Variants in TPPP observed in about 807,000 individuals in gnomAD.
TPPP encodes the protein tubulin polymerization-promoting protein.
TPPP carries 6 observed loss-of-function variants against 15.5 expected under a neutral mutation model. That is an observed-to-expected ratio of 0.39 (90% confidence interval 0.21 to 0.77). The LOEUF is 0.77. TPPP is among the 30% of genes least tolerant of loss of function. TPPP has a pLI of 0.42. For missense variants in TPPP, 269 were observed against 307.2 expected (o/e 0.88, Z 0.93); for synonymous variants, 146 against 133.9 (o/e 1.09, Z -0.63).
In TPPP at chr5:687,100, G is replaced by C. The variant is rs576549869; in HGVS notation, c.-5+6178C>G. Among the ~76,000 whole-genome samples the C allele has an allele frequency of 3.9e-5, 5 of 127,452 alleles. 2 individuals carry two copies. In the Admixed American group the frequency reaches 4.0e-4, roughly 10 times the overall value. The allele number at this position is 127,452 out of a possible 152,430, so 83.6% of individuals were successfully genotyped here. On this transcript the variant is annotated intron_variant, in intron 1 of 3. Transcript: ENST00000360578. ...GCCATGAGGCCGGGGCTGCAGTGAC[G>C]CAGCCACACGCCCAGGACAACTGGA...
upstream of TPPP, chr5:693,444 G>A (rs1158137983): frequency 6.9e-6 from 1 of 145,704 alleles, no homozygotes; most frequent in African/African-American, 2.5e-5. Flanking sequence ...CCAGCGTCCG[G>A]CGCCCGCCCA....
Position 677,842 on chromosome 5 carries a change from G to C in TPPP, c.219C>G (p.Gly73=). Residue 73 remains glycine, a synonymous_variant, in exon 2 of 4, where the codon GGC becomes GGG. Transcript: ENST00000360578. The stretch of plus-strand genomic sequence containing the variant: ...CCTTGCACAGCTTCGACCAGTTCTT[G>C]CCGTGCATCTCCCTCCCGGTGGCCC... ...DARATGREMH[G]KNWSKLCKDC... The C allele has an allele frequency of 6.2e-7, 1 of 1,612,494 alleles. No individual in the cohort carries two copies. Among genetic ancestry groups the C allele is most frequent in the East Asian group, 2.2e-5 (1 of 44,872 alleles).
At chr5:672,996 C>A (rs1740276145) in intron 2 of TPPP, among the ~76,000 whole-genome samples, 2 of 152,188 alleles carry the variant, frequency 1.3e-5, no homozygotes, top group South Asian at 4.1e-4. Context: ...GCAACCTGCC[C>A]TGAAAACAGA....
At chr5:670,382 A>C (rs1740175603) in intron 2 of TPPP, among the ~76,000 whole-genome samples, 1 of 152,164 alleles carries the variant, frequency 6.6e-6, no homozygotes, top group South Asian at 2.1e-4. Flanking sequence ...AGAGGCTGCC[A>C]CAGGTGGGAA....
rs1739831841 is a variant in TPPP, at chr5:664,966, G to T, written c.*136C>A. On this transcript the variant is annotated 3_prime_UTR_variant, in exon 4 of 4. Transcript: ENST00000360578. ...GAGGAGGGGCAGGAGGGAGGCCTGG[G>T]CCTGGCCGCCCCCCAGCCCCCTCTG... 1 of 1,017,078 alleles carries T rather than the reference G, an allele frequency of 9.8e-7. No homozygotes were observed. Among genetic ancestry groups the T allele is most frequent in the Non-Finnish European group, 1.4e-6 (1 of 703,202 alleles). The allele number at this position is 1,017,078 out of a possible 1,614,324, so 63.0% of individuals were successfully genotyped here. A position where few individuals can be genotyped will look rare whatever the true frequency, so the allele number is the denominator to read the frequency against.
rs1209722264 is a variant in TPPP at position 668,988 on chromosome 5, C to T, written c.312-2865G>A. Among the ~76,000 whole-genome samples the T allele has an allele frequency of 3.3e-5, 5 of 152,350 alleles. No individual in the cohort carries two copies. In the East Asian group the frequency reaches 9.7e-4, roughly 29 times the overall value. On this transcript the variant is annotated intron_variant, in intron 2 of 3. Coordinates refer to ENST00000360578, the MANE Select transcript of TPPP (RefSeq NM_007030.3). Reference sequence around the variant, plus strand: ...AACAGCACCTGAGGGTTCCCATACACTTTACACGCGTGTCCTAAAGACACA... The same window carrying T: ...AACAGCACCTGAGGGTTCCCATACATTTTACACGCGTGTCCTAAAGACACA...
chr5:665,198 G>A lies in TPPP; in HGVS notation c.564C>T (p.Gly188=), dbSNP rs775094475. The change falls in exon 4 of 4, where the codon GGC becomes GGT. Residue 188 remains glycine, a synonymous_variant. Transcript: ENST00000360578. ...CCACCAGATCCACGCGGCCAGCCTT[G>A]CCCTTGCCCTTGCCAGAGGGGTCGA... ...ERFDPSGKGK[G]KAGRVDLVDE... is the part of the protein sequence containing the mutation. The A allele has an allele frequency of 6.8e-6, 11 of 1,611,228 alleles. No individual in the cohort carries two copies. The highest frequency in any genetic ancestry group is 9.3e-6 in the Non-Finnish European group (11 of 1,177,970).
chr5:668,446 G>GC (rs1740041539), intron 2 of TPPP, among the ~76,000 whole-genome samples: 1 of 109,702 alleles, frequency 9.1e-6, no homozygotes, highest in African/African-American at 3.8e-5. Flanking sequence ...TCAGGGAAGT[G>GC]CGGACAAGCA....
intron 2 of TPPP, among the ~76,000 whole-genome samples, chr5:670,212 C>G (rs2126880681): frequency 6.6e-6 from 1 of 152,276 alleles, no homozygotes; most frequent in Admixed American, 6.5e-5. Flanking sequence ...ACGTCACAGG[C>G]CCCGCTGGGC....
In TPPP at chr5:666,122, C is replaced by T; in HGVS notation, c.313G>A (p.Gly105Arg). 2.8e-6 allele frequency: 4 copies of T among 1,432,546 alleles called. No homozygotes were observed. Among genetic ancestry groups the T allele is most frequent in the South Asian group, 1.3e-5 (1 of 78,946 alleles). The allele number at this position is 1,432,546 out of a possible 1,614,324, so 88.7% of individuals were successfully genotyped here. Residue 105 changes from glycine (G) to arginine (R), a missense_variant and splice_region_variant, in exon 3 of 4, where the codon GGG becomes AGG. Physicochemically the swap from Gly to Arg is moderately radical, Grantham distance 125 (BLOSUM62 -2). Coordinates refer to ENST00000360578, the MANE Select transcript of TPPP (RefSeq NM_007030.3). ...AAGGTGATGGTCCGGCAAGACTTCC[C>T]TCTACAGGGGCACAGGCGACTTAGG... Reference protein sequence around the residue: ...DVDIVFSKIKGKSCRTITFEQ... With the variant: ...DVDIVFSKIKRKSCRTITFEQ...
chr5:662,824 A>G lies in TPPP; in HGVS notation c.*2278T>C, dbSNP rs554081670. The G allele has an allele frequency of 2.0e-5, 3 of 152,388 alleles. No individual in the cohort carries two copies. The highest frequency in any genetic ancestry group is 1.3e-4 in the Admixed American group (2 of 15,298). 9.4% of individuals were successfully genotyped at this position (152,388 alleles called of 1,614,324 possible). ...GGCCTTTTCAACACAAGGGCTTTGG[A>G]GTTGTGATGGGCTGTTATCGGGTGA... On this transcript the variant is annotated 3_prime_UTR_variant, in exon 4 of 4. Coordinates refer to ENST00000360578, the MANE Select transcript of TPPP (RefSeq NM_007030.3).
intron 2 of TPPP, 32 bp downstream of exon 2, chr5:677,718 G>A: frequency 6.6e-7 from 1 of 1,518,380 alleles, no homozygotes; most frequent in South Asian, 1.3e-5. Flanking sequence ...CCGTAAGTCA[G>A]GTCCCTCGGC....
chr5:665,430 C>G (rs985272312), intron 3 of TPPP, 134 bp from the exon 4 acceptor site: 2 of 806,732 alleles, frequency 2.5e-6, no homozygotes, highest in Non-Finnish European at 3.8e-6. Context: ...GGGATTTATG[C>G]CCCTTTTAAT....
intron 1 of TPPP, among the ~76,000 whole-genome samples, chr5:688,646 C>T (rs11955529): frequency 3.7e-4 from 55 of 146,906 alleles, no homozygotes; most frequent in African/African-American, 1.3e-3. Flanking sequence ...CCTGGGGACA[C>T]GTGGGCACTG....
At chr5:692,793 C>A in intron 1 of TPPP, 3 of 951,802 alleles carry the variant, frequency 3.2e-6, no homozygotes, top group Non-Finnish European at 3.8e-6. Context: ...GTTTCTGTGG[C>A]CAGGGATCTC....
chr5:677,716 C>A, intron 2 of TPPP, 34 bp downstream of exon 2: 2 of 1,517,812 alleles, frequency 1.3e-6, no homozygotes, highest in South Asian at 2.6e-5. Context: ...CCCCGTAAGT[C>A]AGGTCCCTCG....
At chr5:673,552 A>T (rs1231901044) in intron 2 of TPPP, among the ~76,000 whole-genome samples, 1 of 152,072 alleles carries the variant, frequency 6.6e-6, no homozygotes, top group Non-Finnish European at 1.5e-5. Context: ...ACAATCTCCC[A>T]CACGGCGCCC....
chr5:663,797 G>T lies in TPPP; in HGVS notation c.*1305C>A, dbSNP rs1739782004. 6.6e-6 allele frequency: 1 copy of T among 152,398 alleles called. No individual in the cohort carries two copies. Among genetic ancestry groups the T allele is most frequent in the Admixed American group, 6.5e-5 (1 of 15,286 alleles). 9.4% of individuals were successfully genotyped at this position (152,398 alleles called of 1,614,324 possible). On this transcript the variant is annotated 3_prime_UTR_variant, in exon 4 of 4. Transcript: ENST00000360578. The stretch of plus-strand genomic sequence containing the variant: ...AGGACTGCCGCAGGCTCATCCGCAG[G>T]TAGACTCCAGAACCACGGCCCAGCA...
intron 2 of TPPP, among the ~76,000 whole-genome samples, chr5:673,747 G>A (rs961032796): frequency 6.6e-6 from 1 of 152,140 alleles, no homozygotes; most frequent in African/African-American, 2.4e-5. Flanking sequence ...GGAGCAGGGG[G>A]CCAAGCTTTA....
Sources: allele counts gnomAD v4.1 joint callset (sites outside exome capture counted in the v4.1 genomes callset), GRCh38; gene constraint gnomAD v4.1.1; transcripts MANE v1.5; gene names NCBI Gene and HGNC (gene_info 2026-07-23, HGNC 2026-07-21).